Variants in NRG3 observed in about 807,000 individuals in gnomAD.
The protein encoded by NRG3 is pro-neuregulin-3, membrane-bound isoform.
NRG3 carries 31 observed loss-of-function variants against 66.9 expected under a neutral mutation model. The observed-to-expected ratio is 0.46, with a 90% confidence interval of 0.35 to 0.63. NRG3 has a LOEUF of 0.63. Ranked by LOEUF, NRG3 falls within the 20% of genes least tolerant of loss-of-function variation. The pLI, the probability that NRG3 is intolerant of heterozygous loss-of-function variation, is 0.00. For missense variants in NRG3, 910 were observed against 878.9 expected (o/e 1.04, Z -0.45); for synonymous variants, 393 against 359.4 (o/e 1.09, Z -1.06).
At chr10:81,948,627 G>A (rs1254117098) in intron 1 of NRG3, among the ~76,000 whole-genome samples, 1 of 152,150 alleles carries the variant, frequency 6.6e-6, no homozygotes, top group African/African-American at 2.4e-5. Flanking sequence ...GAAGATGCTG[G>A]AGGTACAAAG....
chr10:82,630,435 T>C (rs1197069285), intron 2 of NRG3, among the ~76,000 whole-genome samples: 1 of 149,954 alleles, frequency 6.7e-6, no homozygotes, highest in Non-Finnish European at 1.5e-5. Flanking sequence ...AGAAAGAAGA[T>C]AAGTCAGTTC....
At chr10:82,860,136 G>T (rs1010703186) in intron 3 of NRG3, among the ~76,000 whole-genome samples, 1 of 152,128 alleles carries the variant, frequency 6.6e-6, no homozygotes. Context: ...GGCCAGCCTC[G>T]TTGTGAAGAA....
intron 2 of NRG3, among the ~76,000 whole-genome samples, chr10:82,371,416 A>G (rs1454629303): frequency 6.6e-6 from 1 of 152,198 alleles, no homozygotes; most frequent in Non-Finnish European, 1.5e-5. Context: ...GAAGTAAATG[A>G]CAATTTAATA....
chr10:82,328,883 C>T (rs2082000209), intron 1 of NRG3, among the ~76,000 whole-genome samples: 1 of 152,202 alleles, frequency 6.6e-6, no homozygotes, highest in African/African-American at 2.4e-5. Flanking sequence ...TGAAGTTTGC[C>T]TCATCCATGC....
intron 1 of NRG3, among the ~76,000 whole-genome samples, chr10:82,074,344 T>C (rs77096248): frequency 0.027 from 4,149 of 152,112 alleles, 200 homozygotes; most frequent in African/African-American, 0.096. Flanking sequence ...GAAATACCAG[T>C]GGAGAGGAAG....
chr10:82,362,333 ATGTGTG>A (rs56996997), intron 2 of NRG3, among the ~76,000 whole-genome samples: 2,780 of 135,916 alleles, frequency 0.02, 37 homozygotes, highest in South Asian at 0.022. Context: ...GTATATATAT[ATGTGTG>A]TGTGTGTGTG....
At chr10:82,840,756 T>C (rs1186939151) in intron 3 of NRG3, among the ~76,000 whole-genome samples, 1 of 152,122 alleles carries the variant, frequency 6.6e-6, no homozygotes, top group Non-Finnish European at 1.5e-5. Flanking sequence ...TCCAGTCAGC[T>C]TAAAATGGAG....
At chr10:82,222,359 G>T (rs1309195857) in intron 1 of NRG3, among the ~76,000 whole-genome samples, 2 of 152,060 alleles carry the variant, frequency 1.3e-5, no homozygotes, top group Non-Finnish European at 2.9e-5. Flanking sequence ...CTCAGGAGAA[G>T]TGTAAGGTAT....
chr10:82,179,489 A>G (rs1321657457), intron 1 of NRG3, among the ~76,000 whole-genome samples: 2 of 151,938 alleles, frequency 1.3e-5, no homozygotes, highest in African/African-American at 4.8e-5. Flanking sequence ...TCTGAACATC[A>G]TTTGTTTAAG....
intron 2 of NRG3, among the ~76,000 whole-genome samples, chr10:82,697,145 T>A (rs1281630145): frequency 6.6e-6 from 1 of 152,176 alleles, no homozygotes; most frequent in East Asian, 1.9e-4. Context: ...TTGCTCCTGT[T>A]TTAAGGAAGA....
At chr10:82,777,060 T>C (rs922193061) in intron 3 of NRG3, among the ~76,000 whole-genome samples, 8 of 152,202 alleles carry the variant, frequency 5.3e-5, no homozygotes, top group African/African-American at 1.7e-4. Flanking sequence ...TTTTATAGAT[T>C]GTTTTTTGTA....
intron 4 of NRG3, among the ~76,000 whole-genome samples, chr10:82,918,076 T>G (rs1162719704): frequency 1.3e-5 from 2 of 151,206 alleles, no homozygotes; most frequent in Admixed American, 6.6e-5. Flanking sequence ...TCTTAAAACA[T>G]TCTAGCAAAG....
At chr10:82,808,837 T>G (rs2061387428) in intron 3 of NRG3, among the ~76,000 whole-genome samples, 2 of 152,328 alleles carry the variant, frequency 1.3e-5, no homozygotes, top group South Asian at 4.1e-4. Context: ...ATATTATGAT[T>G]AAACCCACAT....
chr10:82,151,813 T>C (rs1324609443), intron 1 of NRG3, among the ~76,000 whole-genome samples: 1 of 152,322 alleles, frequency 6.6e-6, no homozygotes, highest in East Asian at 1.9e-4. Flanking sequence ...TGCTTCAGCA[T>C]AGGCTCTGCT....
intron 1 of NRG3, among the ~76,000 whole-genome samples, chr10:82,336,114 T>G (rs2082372742): frequency 6.6e-6 from 1 of 152,134 alleles, no homozygotes; most frequent in South Asian, 2.1e-4. Flanking sequence ...CATAGTATAC[T>G]GAACACTTCT....
intron 1 of NRG3, among the ~76,000 whole-genome samples, chr10:82,229,956 A>C (rs2076373032): frequency 6.6e-6 from 1 of 152,212 alleles, no homozygotes; most frequent in African/African-American, 2.4e-5. Context: ...GTGAGTTAAA[A>C]CAATTGTCAG....
intron 2 of NRG3, among the ~76,000 whole-genome samples, chr10:82,427,963 A>T (rs2089551715): frequency 6.6e-6 from 1 of 152,104 alleles, no homozygotes; most frequent in Non-Finnish European, 1.5e-5. Flanking sequence ...GAATTTGTCC[A>T]TTTCATTAAG....
chr10:82,120,914 C>T (rs548731498), intron 1 of NRG3, among the ~76,000 whole-genome samples: 1 of 152,186 alleles, frequency 6.6e-6, no homozygotes, highest in Admixed American at 6.6e-5. Flanking sequence ...CATGTTTCTG[C>T]CTGTTTCTTC....
chr10:82,208,572 G>A (rs1000854264), intron 1 of NRG3, among the ~76,000 whole-genome samples: 3 of 151,744 alleles, frequency 2.0e-5, no homozygotes, highest in African/African-American at 7.3e-5. Flanking sequence ...CAAAGACAAT[G>A]TTTGAGGAGC....
Sources: gnomAD v4.1 joint callset for allele counts (sites outside exome capture counted in the v4.1 genomes callset) on GRCh38, gnomAD v4.1.1 for gene constraint, MANE v1.5 for transcripts, NCBI Gene and HGNC (gene_info 2026-07-23, HGNC 2026-07-21) for gene names.